CERS3: variants seen among roughly 807,000 people sequenced by gnomAD.
CERS3 encodes LAG1 homolog, ceramide synthase 3.
Under a neutral mutation model 50.3 loss-of-function variants are expected in CERS3, and 33 were observed. The ratio of observed to expected loss-of-function variants is 0.66; its 90% CI spans 0.50 to 0.88. The LOEUF (loss-of-function observed/expected upper bound fraction) is 0.88, where lower values mean the gene tolerates loss of function less well. Ranked by LOEUF, CERS3 falls within the 40% of genes least tolerant of loss-of-function variation. The pLI is 0.00. For missense variants in CERS3, 470 were observed against 460.3 expected (o/e 1.02, Z -0.19); for synonymous variants, 176 against 155.2 (o/e 1.13, Z -0.99).
chr15:100,502,633 G>A (rs1370075125), intron 2 of CERS3, among the ~76,000 whole-genome samples: 1 of 152,212 alleles, frequency 6.6e-6, no homozygotes, highest in African/African-American at 2.4e-5. Context: ...ATTACAAGGA[G>A]ATCAAATTAG....
chr15:100,496,018 T>C (rs2035802045), intron 3 of CERS3, among the ~76,000 whole-genome samples: 1 of 152,228 alleles, frequency 6.6e-6, no homozygotes, highest in Non-Finnish European at 1.5e-5. Context: ...CATGAAATTA[T>C]ACAATATGTG....
upstream of CERS3, among the ~76,000 whole-genome samples, chr15:100,530,108 C>T (rs949670205): frequency 1.3e-5 from 2 of 152,160 alleles, no homozygotes; most frequent in African/African-American, 2.4e-5. Context: ...TTTTTAAAAC[C>T]ATCTGGCAGA....
At chr15:100,452,404 C>T (rs2034205066) in intron 11 of CERS3, among the ~76,000 whole-genome samples, 1 of 152,042 alleles carries the variant, frequency 6.6e-6, no homozygotes, top group Non-Finnish European at 1.5e-5. Context: ...TCCAAAATGA[C>T]CACTAGGTCA....
chr15:100,488,157 G>T (rs927261912), intron 4 of CERS3, among the ~76,000 whole-genome samples: 1 of 152,176 alleles, frequency 6.6e-6, no homozygotes, highest in African/African-American at 2.4e-5. Flanking sequence ...AACTCTCACT[G>T]AGGCTCATGT....
chr15:100,419,790 A>G (rs148529842), intron 11 of CERS3, among the ~76,000 whole-genome samples: 139,443 of 141,354 alleles, frequency 0.99, 68,832 homozygotes, highest in Middle Eastern at 1. Context: ...ACTCCAAACC[A>G]CTCAACTACA....
chr15:100,535,522 C>T (rs2037049326), intron 1 of CERS3, among the ~76,000 whole-genome samples: 2 of 151,972 alleles, frequency 1.3e-5, no homozygotes, highest in African/African-American at 4.8e-5. Context: ...TCCATATGTG[C>T]ACGGGAAGTG....
chr15:100,447,847 C>G (rs117264412), intron 11 of CERS3, among the ~76,000 whole-genome samples: 1 of 152,182 alleles, frequency 6.6e-6, no homozygotes, highest in South Asian at 2.1e-4. Context: ...CAGGGATTAT[C>G]TTATTCATCT....
rs147182046 is a variant in CERS3 at position 100,407,936 on chromosome 15, A to G, written c.1000-5071T>C. Reference sequence around the variant, plus strand: ...GCCCAGGCTGGAGTGCAATGGTGCAATCTTGGCTCCCTGCAACCTCTGCCT... The same window carrying G: ...GCCCAGGCTGGAGTGCAATGGTGCAGTCTTGGCTCCCTGCAACCTCTGCCT... On this transcript the variant is annotated intron_variant, in intron 11 of 11. Transcript: ENST00000679737. Among the ~76,000 whole-genome samples the G allele has an allele frequency of 7.0e-3, 1,072 of 152,152 alleles. 15 individuals are homozygous for G. The highest frequency in any genetic ancestry group is 0.024 in the African/African-American group (1,009 of 41,492).
chr15:100,525,047 T>C (rs1390721534), intron 1 of CERS3, among the ~76,000 whole-genome samples: 1 of 152,216 alleles, frequency 6.6e-6, no homozygotes, highest in Non-Finnish European at 1.5e-5. Flanking sequence ...CCTAAATATA[T>C]GCCTTACCTG....
At chr15:100,467,745 TTCTCTC>T (rs55685908) in intron 10 of CERS3, among the ~76,000 whole-genome samples, 78 of 37,256 alleles carry the variant, frequency 2.1e-3, no homozygotes, top group African/African-American at 4.8e-3. Flanking sequence ...ATTGCTATCA[TTCTCTC>T]TCTCTCTCTC....
intron 3 of CERS3, among the ~76,000 whole-genome samples, chr15:100,493,549 G>C (rs72759141): frequency 0.041 from 6,301 of 152,186 alleles, 179 homozygotes; most frequent in Non-Finnish European, 0.055. Flanking sequence ...CTGGGAGTTT[G>C]TTTAGCTTTT....
intron 11 of CERS3, among the ~76,000 whole-genome samples, chr15:100,450,063 CAG>C (rs1357560990): frequency 1.4e-5 from 2 of 147,778 alleles, no homozygotes; most frequent in Admixed American, 1.4e-4. Context: ...AAGAACCAAA[CAG>C]AAATTCTGGA....
intron 10 of CERS3, among the ~76,000 whole-genome samples, chr15:100,469,069 T>G (rs1002684453): frequency 6.6e-6 from 1 of 152,208 alleles, no homozygotes; most frequent in South Asian, 2.1e-4. Context: ...TGACTTTTCA[T>G]TGAGTGACTA....
intron 5 of CERS3, 45 bp downstream of exon 5, chr15:100,484,505 C>T (rs924241421): frequency 7.5e-7 from 1 of 1,328,014 alleles, no homozygotes; most frequent in South Asian, 1.2e-5. Flanking sequence ...CACTCAGCTC[C>T]AGATAGGACG....
intron 3 of CERS3, among the ~76,000 whole-genome samples, chr15:100,498,188 C>T (rs2142319723): frequency 6.6e-6 from 1 of 152,050 alleles, no homozygotes; most frequent in African/African-American, 2.4e-5. Flanking sequence ...GCCACCGCGC[C>T]CGGCCAAAAA....
At chr15:100,505,295 T>C (rs1196475175) in intron 2 of CERS3, among the ~76,000 whole-genome samples, 1 of 152,228 alleles carries the variant, frequency 6.6e-6, no homozygotes, top group African/African-American at 2.4e-5. Context: ...ATGTGAAATA[T>C]AACGAATCAA....
At chr15:100,534,243 T>C (rs767473396) in intron 1 of CERS3, among the ~76,000 whole-genome samples, 37 of 152,116 alleles carry the variant, frequency 2.4e-4, no homozygotes, top group South Asian at 1.2e-3. Context: ...CTCAATACCA[T>C]TTTGTGCTCA....
intron 11 of CERS3, among the ~76,000 whole-genome samples, chr15:100,423,429 T>C (rs914385616): frequency 2.6e-5 from 4 of 152,188 alleles, no homozygotes; most frequent in South Asian, 4.1e-4. Flanking sequence ...TGTGAAATGC[T>C]ATACAGCCAT....
At chr15:100,457,979 A>G (rs1486956714) in intron 10 of CERS3, among the ~76,000 whole-genome samples, 2 of 151,580 alleles carry the variant, frequency 1.3e-5, no homozygotes, top group African/African-American at 4.8e-5. Flanking sequence ...CTATGAAACT[A>G]TATATTTCTA....
Sources: allele counts gnomAD v4.1 joint callset (sites outside exome capture counted in the v4.1 genomes callset), GRCh38; gene constraint gnomAD v4.1.1; transcripts MANE v1.5; gene names NCBI Gene and HGNC (gene_info 2026-07-23, HGNC 2026-07-21).